Variants in ANKRD24 observed in about 807,000 individuals in gnomAD.
ANKRD24 encodes ankyrin repeat domain-containing protein 24.
ANKRD24 carries 109 observed loss-of-function variants against 127.8 expected under a neutral mutation model. That is an observed-to-expected ratio of 0.85 (90% CI 0.73 to 1.00). The LOEUF (loss-of-function observed/expected upper bound fraction) is 1.00. Among genes scored for constraint, ANKRD24 ranks in the 50% least tolerant of loss-of-function variants. The probability of loss-of-function intolerance (pLI) is 0.00; values close to 1 mark genes in which losing one functional copy is unlikely to be tolerated. For synonymous variants in ANKRD24, 743 were observed against 671.1 expected (o/e 1.11, Z -1.66); for missense variants, 1,648 against 1,570.2 (o/e 1.05, Z -0.84).
chr19:4,194,043 C>T (rs1968556771), intron 2 of ANKRD24, among the ~76,000 whole-genome samples: 1 of 147,914 alleles, frequency 6.8e-6, no homozygotes, highest in Non-Finnish European at 1.5e-5. Context: ...CTGAGAATAG[C>T]CTTTGACTGT....
intron 5 of ANKRD24, among the ~76,000 whole-genome samples, chr19:4,200,770 A>G (rs1375119103): frequency 6.6e-6 from 1 of 151,998 alleles, no homozygotes; most frequent in Non-Finnish European, 1.5e-5. Flanking sequence ...TGATCCTTCC[A>G]CCTCAGACTC....
chr19:4,188,163 C>T (rs1045124141), intron 2 of ANKRD24, among the ~76,000 whole-genome samples: 4 of 151,980 alleles, frequency 2.6e-5, no homozygotes, highest in Non-Finnish European at 5.9e-5. Context: ...CTGCAACCTC[C>T]ACCTCCCGGG....
chr19:4,220,881 T>G (rs533458934), intron 19 of ANKRD24, among the ~76,000 whole-genome samples: 1 of 149,406 alleles, frequency 6.7e-6, no homozygotes, highest in East Asian at 2.0e-4. Flanking sequence ...TTAATCTTCC[T>G]GCAACGCTAA....
At chr19:4,196,203 G>C (rs957579388) in intron 2 of ANKRD24, among the ~76,000 whole-genome samples, 4 of 152,186 alleles carry the variant, frequency 2.6e-5, no homozygotes, top group Admixed American at 2.6e-4. Context: ...GAAATTGAGA[G>C]GGAGAATTTC....
rs559703041 is a variant in ANKRD24 at position 4,195,845 on chromosome 19, G to T, written c.37-3838G>T. On this transcript the variant is annotated intron_variant, in intron 2 of 21. Coordinates refer to ENST00000318934, the MANE Select transcript of ANKRD24 (RefSeq NM_001393985.1). This position sits in a 1 kb window ranked among gnomAD's most constrained non-coding sequence, Gnocchi z 4.2. ...GGAGGCAGAGCTTGCAGTGAGCCGA[G>T]ATCGCACCACTGCACTCCAGCCTGG... Among the ~76,000 whole-genome samples the T allele has an allele frequency of 5.3e-5, 8 of 152,192 alleles. No homozygotes were observed. The highest frequency in any genetic ancestry group is 1.9e-4 in the African/African-American group (8 of 41,458).
intron 1 of ANKRD24, among the ~76,000 whole-genome samples, chr19:4,183,711 C>G (rs541007915): frequency 1.3e-5 from 2 of 151,914 alleles, no homozygotes; most frequent in Admixed American, 1.3e-4. Flanking sequence ...ATTGGGAGTT[C>G]GAGACCACCC....
At chr19:4,186,062 A>G (rs1441457520) in intron 1 of ANKRD24, among the ~76,000 whole-genome samples, 2 of 152,140 alleles carry the variant, frequency 1.3e-5, no homozygotes, top group Non-Finnish European at 2.9e-5. Flanking sequence ...ATCTGTTTGG[A>G]CCGCAGGAAA....
intron 11 of ANKRD24, 181 bp downstream of exon 11, chr19:4,208,982 A>T: frequency 1.9e-6 from 1 of 517,882 alleles, no homozygotes; most frequent in Non-Finnish European, 3.4e-6. Flanking sequence ...AACTCCCAGA[A>T]CTGGGTGAGA....
intron 11 of ANKRD24, among the ~76,000 whole-genome samples, chr19:4,209,260 A>G (rs1001833721): frequency 6.6e-6 from 1 of 150,796 alleles, no homozygotes; most frequent in Admixed American, 6.6e-5. Flanking sequence ...ACAGGCACCC[A>G]CCACAACTGG....
intron 2 of ANKRD24, among the ~76,000 whole-genome samples, chr19:4,191,656 G>A (rs539202366): frequency 1.2e-4 from 18 of 148,890 alleles, no homozygotes; most frequent in African/African-American, 4.2e-4. Flanking sequence ...TAATTTTTGT[G>A]TTTTTAGTAG....
chr19:4,216,909 A>G lies in ANKRD24; in HGVS notation c.1749A>G (p.Gly583=), dbSNP rs2145391685. ...GGACTATGGAAGCTGAGGCCACGGG[A>G]GCCGAGGCCACGGGAGCTGAGGCCA... The part of the protein sequence containing the change: ...EARTMEAEAT[G]AEATGAEATG... Residue 583 remains glycine, a synonymous_variant, in exon 18 of 22, where the codon GGA becomes GGG. Transcript: ENST00000318934. 1 of 1,609,820 alleles carries G rather than the reference A, an allele frequency of 6.2e-7. No individual in the cohort carries two copies. Among genetic ancestry groups the G allele is most frequent in the East Asian group, 2.2e-5 (1 of 44,764 alleles).
At chr19:4,224,377 G>T in intron 21 of ANKRD24, 51 bp from the exon 22 acceptor site, 3 of 1,582,410 alleles carry the variant, frequency 1.9e-6, no homozygotes, top group Non-Finnish European at 2.6e-6. Context: ...AGGGACTTGG[G>T]GCAGCCATGG....
At chr19:4,183,845 TGCGGTGAGCCGGAGATC>T (rs1373295354) in intron 1 of ANKRD24, among the ~76,000 whole-genome samples, 2 of 151,852 alleles carry the variant, frequency 1.3e-5, no homozygotes, top group Admixed American at 1.3e-4. Context: ...AGGCGGAGAT[TGCGGTGAGCCGGAGATC>T]GCGCCATTGC....
chr19:4,186,236 G>T lies in ANKRD24; in HGVS notation c.-36-154G>T, dbSNP rs138556789. ...CAAGTAAACTGCCAAAGGACACACA[G>T]CAGGTAGGAGATAGAGCAGGTCTGT... is the stretch of plus-strand genomic sequence containing the variant. On this transcript the variant is annotated intron_variant, in intron 1 of 21. Transcript: ENST00000318934. The T allele has an allele frequency of 6.8e-4, 968 of 1,421,282 alleles. 13 individuals carry two copies. The African/African-American group carries it at 0.012, about 18-fold the overall frequency. The allele number at this position is 1,421,282 out of a possible 1,614,324, so 88.0% of individuals were successfully genotyped here.
intron 15 of ANKRD24, among the ~76,000 whole-genome samples, chr19:4,213,068 C>T (rs12462525): frequency 0.77 from 117,560 of 152,006 alleles, 45,586 homozygotes; most frequent in African/African-American, 0.83. Flanking sequence ...GAGGCGTAGT[C>T]TGCAGTGAGC....
Position 4,199,598 on chromosome 19 carries a change from TG to T in ANKRD24, c.37-82del. ...GGCTTTTGTTGGACAACTGGGGTGA[TG>T]GGCCTGGGGGCAGATGCTGGGGGTC... is the stretch of plus-strand genomic sequence containing the variant. On this transcript the variant is annotated intron_variant, in intron 2 of 21. Transcript: ENST00000318934. The surrounding 1 kb of genome is among the most constrained non-coding windows in gnomAD (Gnocchi z 5.2). 1.4e-6 allele frequency: 2 copies of T among 1,452,060 alleles called. No individual in the cohort carries two copies. Among genetic ancestry groups the T allele is most frequent in the Admixed American group, 5.6e-5 (2 of 35,570 alleles). The allele number at this position is 1,452,060 out of a possible 1,614,324, so 89.9% of individuals were successfully genotyped here.
chr19:4,217,948 CG>C lies in ANKRD24; in HGVS notation c.2792del (p.Gly931AlafsTer79). The stretch of plus-strand genomic sequence containing the variant: ...GCTGCAGGAGGAGGCCCTGGAGCTG[CG>C]GGGCCGGGCAGCCAGTCTGGAGCAG... ...RRLQEEALEL[R>X]GRAASLEQEV... is the part of the protein sequence containing the mutation. On this transcript the variant is annotated frameshift_variant, in exon 18 of 22. Transcript: ENST00000318934. LOFTEE classifies it high-confidence loss of function. 1 of 1,506,474 alleles carries C rather than the reference CG, an allele frequency of 6.6e-7. No homozygotes were observed. Among genetic ancestry groups the C allele is most frequent in the African/African-American group, 1.4e-5 (1 of 69,388 alleles). 93.3% of individuals were successfully genotyped at this position (1,506,474 alleles called of 1,614,324 possible).
Position 4,222,671 on chromosome 19 carries a change from T to A in ANKRD24, c.3173T>A (p.Ile1058Asn). 1 of 1,604,520 alleles carries A rather than the reference T, an allele frequency of 6.2e-7. No homozygotes were observed. The change falls in exon 20 of 22, where the codon ATC (isoleucine) becomes AAC (asparagine). Residue 1058 changes from isoleucine to asparagine, a missense_variant and splice_region_variant. By Grantham distance (149) the Ile-to-Asn change is moderately radical. Transcript: ENST00000318934. Reference protein sequence around the residue: ...LDKAKEKDKKITELSKEVFNL... With the variant: ...LDKAKEKDKKNTELSKEVFNL... Reference sequence around the variant, plus strand: ...CGCTGACAGCACCTGCACCCTCAGATCACAGAACTCTCCAAAGAAGTCTTC... The same window carrying A: ...CGCTGACAGCACCTGCACCCTCAGAACACAGAACTCTCCAAAGAAGTCTTC...
intron 18 of ANKRD24, 27 bp downstream of exon 18, chr19:4,218,190 C>T: frequency 7.0e-7 from 1 of 1,420,960 alleles, no homozygotes; most frequent in Non-Finnish European, 9.2e-7. Flanking sequence ...ACCACCCGGG[C>T]CCCACCCCCA....
Sources: allele counts gnomAD v4.1 joint callset (sites outside exome capture counted in the v4.1 genomes callset), GRCh38; gene constraint gnomAD v4.1.1; non-coding constraint Gnocchi (gnomAD v3.1); transcripts MANE v1.5; gene names NCBI Gene and HGNC (gene_info 2026-07-23, HGNC 2026-07-21).